The following ZNF492 variants were observed in gnomAD, a reference collection of about 807,000 sequenced individuals.
The protein encoded by ZNF492 is zinc finger protein 115 (Y20).
In ZNF492, 3 loss-of-function variants were observed where a neutral mutation model predicts 6.4. The ratio of observed to expected loss-of-function variants is 0.47; its 90% CI spans 0.21 to 1.22. The LOEUF is 1.22. Ranked by LOEUF, ZNF492 falls within the 50% of genes most tolerant of loss-of-function variation. The pLI is 0.22. For missense variants in ZNF492, 356 were observed against 612.5 expected (o/e 0.58, Z 4.42); for synonymous variants, 112 against 205.3 (o/e 0.55, Z 3.89).
chr19:22,643,062 G>A (rs1971844581), intron 1 of ZNF492, among the ~76,000 whole-genome samples: 1 of 152,084 alleles, frequency 6.6e-6, no homozygotes, highest in Non-Finnish European at 1.5e-5. Context: ...TCAGGAGTTT[G>A]AGACCAGCCT....
At chr19:22,663,566 A>G (rs901033552) in intron 3 of ZNF492, among the ~76,000 whole-genome samples, 14 of 152,138 alleles carry the variant, frequency 9.2e-5, no homozygotes, top group African/African-American at 2.2e-4. Flanking sequence ...TCTTTCTTCT[A>G]TGTGACTCTT....
chr19:22,649,500 T>C (rs1375709831), intron 1 of ZNF492, among the ~76,000 whole-genome samples: 2 of 152,214 alleles, frequency 1.3e-5, no homozygotes, highest in Non-Finnish European at 2.9e-5. Context: ...GAAGTTCTCC[T>C]GGATGATATC....
intron 1 of ZNF492, among the ~76,000 whole-genome samples, chr19:22,650,390 G>T (rs1310609150): frequency 4.6e-5 from 7 of 151,644 alleles, no homozygotes; most frequent in African/African-American, 1.7e-4. Context: ...ATCTCACCCA[G>T]TTGGGTGGCA....
At chr19:22,640,790 T>G (rs1971818578) in intron 1 of ZNF492, among the ~76,000 whole-genome samples, 3 of 152,322 alleles carry the variant, frequency 2.0e-5, no homozygotes, top group African/African-American at 7.2e-5. Context: ...CTAATTCAGT[T>G]TTCAAGCTTG....
At chr19:22,639,728 G>C (rs199567951) in intron 1 of ZNF492, among the ~76,000 whole-genome samples, 1 of 131,498 alleles carries the variant, frequency 7.6e-6, no homozygotes, top group Admixed American at 7.6e-5. Flanking sequence ...AAAAAAAAAA[G>C]AAAAGAAAAG....
chr19:22,642,981 G>A (rs1971843529), intron 1 of ZNF492, among the ~76,000 whole-genome samples: 2 of 152,272 alleles, frequency 1.3e-5, no homozygotes, highest in South Asian at 4.1e-4. Flanking sequence ...GCAAAAGCAA[G>A]GTCTGGCCGT....
At chr19:22,636,174 AC>A (rs1971760570) in intron 1 of ZNF492, among the ~76,000 whole-genome samples, 1 of 150,732 alleles carries the variant, frequency 6.6e-6, no homozygotes, top group Non-Finnish European at 1.5e-5. Context: ...ATCTCGGCTC[AC>A]GGCAACCTCC....
chr19:22,656,408 A>G (rs967807774), intron 3 of ZNF492, among the ~76,000 whole-genome samples: 5 of 151,866 alleles, frequency 3.3e-5, no homozygotes, highest in East Asian at 1.9e-4. Context: ...GGTAGGCTTT[A>G]TATTAGGATG....
chr19:22,636,061 CT>C (rs11363645), intron 1 of ZNF492, among the ~76,000 whole-genome samples: 16,924 of 151,902 alleles, frequency 0.11, 994 homozygotes, highest in Middle Eastern at 0.16. Context: ...GTTGTTCCCT[CT>C]TTGTGTTTAC....
chr19:22,655,749 A>G (rs1971988395), intron 3 of ZNF492, among the ~76,000 whole-genome samples: 1 of 143,588 alleles, frequency 7.0e-6, no homozygotes, highest in Non-Finnish European at 1.5e-5. Flanking sequence ...GAGAATGGGC[A>G]TAATAAACTT....
Position 22,667,123 on chromosome 19 carries a change from G to A in ZNF492, c.*1858G>A, listed in dbSNP as rs180957330. ...CATGCCTGTAATCCCAGCTACTCGG[G>A]AGGCTGAGGCAGGAGAATCACTTGA... On this transcript the variant is annotated 3_prime_UTR_variant, in exon 4 of 4. Transcript: ENST00000456783. 1.3e-5 allele frequency: 2 copies of A among 152,302 alleles called. No individual in the cohort carries two copies. The highest frequency in any genetic ancestry group is 2.4e-5 in the African/African-American group (1 of 41,474). 9.4% of individuals were successfully genotyped at this position (152,302 alleles called of 1,614,324 possible).
intron 1 of ZNF492, among the ~76,000 whole-genome samples, chr19:22,642,623 T>C (rs1225347830): frequency 6.6e-6 from 1 of 152,024 alleles, no homozygotes; most frequent in Non-Finnish European, 1.5e-5. Context: ...TCTCCTGACC[T>C]CGTGATCCAC....
chr19:22,651,640 C>T (rs1971940721), intron 1 of ZNF492, among the ~76,000 whole-genome samples: 1 of 152,034 alleles, frequency 6.6e-6, no homozygotes, highest in Non-Finnish European at 1.5e-5. Flanking sequence ...TTATGAACTG[C>T]AATATTAAGA....
chr19:22,664,236 A>C lies in ZNF492; in HGVS notation c.567A>C (p.Arg189Ser). 6 of 1,610,938 alleles carry C rather than the reference A, an allele frequency of 3.7e-6. No homozygotes were observed. Among genetic ancestry groups the C allele is most frequent in the African/African-American group, 1.3e-5 (1 of 74,864 alleles). Residue 189 changes from arginine (R) to serine (S), a missense_variant, in exon 4 of 4, where the codon AGA becomes AGC. Coordinates refer to ENST00000456783, the MANE Select transcript of ZNF492 (RefSeq NM_020855.3). ...CCTCAAACCTTTCTACACATAAAAG[A>C]ATTCATACTGGAAAGAAACCCTACA... Reference protein sequence around the residue: ...NETSNLSTHKRIHTGKKPYKC... With the variant: ...NETSNLSTHKSIHTGKKPYKC...
At chr19:22,649,158 AAAGG>A (rs1971914351) in intron 1 of ZNF492, among the ~76,000 whole-genome samples, 1 of 152,138 alleles carries the variant, frequency 6.6e-6, no homozygotes, top group Non-Finnish European at 1.5e-5. Context: ...GCTTGTCTGG[AAAGG>A]ATTTTATTTC....
At chr19:22,650,141 CTGTT>C (rs1362072881) in intron 1 of ZNF492, among the ~76,000 whole-genome samples, 2 of 152,102 alleles carry the variant, frequency 1.3e-5, no homozygotes, top group African/African-American at 4.8e-5. Flanking sequence ...TTGTTCATTT[CTGTT>C]TGTTTTTCTT....
intron 3 of ZNF492, among the ~76,000 whole-genome samples, chr19:22,662,285 A>G (rs1255613470): frequency 6.6e-6 from 1 of 152,192 alleles, no homozygotes; most frequent in African/African-American, 2.4e-5. Flanking sequence ...ATGAATGCAT[A>G]GTATTCTGTA....
Position 22,663,935 on chromosome 19 carries a change from A to G in ZNF492, c.266A>G (p.Asp89Gly). The G allele has an allele frequency of 6.2e-7, 1 of 1,609,272 alleles. No homozygotes were observed. Among genetic ancestry groups the G allele is most frequent in the South Asian group, 1.1e-5 (1 of 90,162 alleles). Residue 89 changes from aspartate (D) to glycine (G), a missense_variant, in exon 4 of 4, where the codon GAT becomes GGT. Transcript: ENST00000456783. ...LQLRKYCKSM[D>G]ECKVHKECYN... ...TTAAGAAAATACTGTAAAAGCATGG[A>G]TGAGTGTAAGGTGCACAAAGAATGT... is the stretch of plus-strand genomic sequence containing the variant.
At chr19:22,663,742 T>G in intron 3 of ZNF492, 58 bp from the exon 4 acceptor site, 1 of 1,416,278 alleles carries the variant, frequency 7.1e-7, no homozygotes, top group Middle Eastern at 2.0e-4. Context: ...GTTAGATTTG[T>G]AAAGTACATT....
Sources: allele counts gnomAD v4.1 joint callset (sites outside exome capture counted in the v4.1 genomes callset), GRCh38; gene constraint gnomAD v4.1.1; transcripts MANE v1.5; gene names NCBI Gene and HGNC (gene_info 2026-07-23, HGNC 2026-07-21).